Variants in GOLGB1 observed in about 807,000 individuals in gnomAD.
GOLGB1 encodes golgin B1, also known as golgin subfamily B member 1.
Under a neutral mutation model 336.9 loss-of-function variants are expected in GOLGB1, and 174 were observed. That is an observed-to-expected ratio of 0.52 (90% CI 0.46 to 0.59). The LOEUF is 0.59. Ranked by LOEUF, GOLGB1 falls within the 20% of genes least tolerant of loss-of-function variation. The probability of loss-of-function intolerance (pLI) is 0.00; values close to 1 mark genes in which losing one functional copy is unlikely to be tolerated. For synonymous variants in GOLGB1, 1,208 were observed against 1,289.2 expected (o/e 0.94, Z 1.35); for missense variants, 3,331 against 3,645.3 (o/e 0.91, Z 2.22).
chr3:121,731,037 A>G (rs1364182209), intron 1 of GOLGB1, 64 bp from the exon 2 acceptor site: 3 of 1,465,234 alleles, frequency 2.0e-6, no homozygotes, highest in Admixed American at 1.9e-5. Context: ...CTTCTCCTAT[A>G]TTGATAACCA....
rs1942812845 is a variant in GOLGB1, at chr3:121,695,076, C to T, written c.5447G>A (p.Cys1816Tyr). 3.1e-6 allele frequency: 5 copies of T among 1,613,916 alleles called. No individual in the cohort carries two copies. The Admixed American group carries it at 8.3e-5, about 27-fold the overall frequency. ...CTTCGCTGATGGAACCGATTCTGAA[C>T]ATGTAGGTCTTGTGCTCATACTCAG... is the stretch of plus-strand genomic sequence containing the variant. ...DSLSMSTRPT[C>Y]SESVPSAKSA... The change falls in exon 13 of 22, where the codon TGT becomes TAT. Residue 1816 changes from cysteine (C) to tyrosine (Y), a missense_variant. Cys to Tyr is a radical substitution (Grantham distance 194). Transcript: ENST00000614479.
At chr3:121,676,273 C>T (rs1304726365) in intron 17 of GOLGB1, among the ~76,000 whole-genome samples, 1 of 152,190 alleles carries the variant, frequency 6.6e-6, no homozygotes, top group Non-Finnish European at 1.5e-5. Flanking sequence ...GGGCCTTTTT[C>T]CTCATCTGTG....
intron 10 of GOLGB1, among the ~76,000 whole-genome samples, chr3:121,706,068 G>A (rs1386670265): frequency 6.6e-6 from 1 of 151,614 alleles, no homozygotes; most frequent in Non-Finnish European, 1.5e-5. Context: ...AACCCCGGAG[G>A]CAGAGGTTGC....
chr3:121,710,395 G>T (rs1423636423), intron 10 of GOLGB1, among the ~76,000 whole-genome samples: 1 of 152,040 alleles, frequency 6.6e-6, no homozygotes, highest in African/African-American at 2.4e-5. Context: ...GAAAACTGTA[G>T]ACTAATATCC....
At position 121,695,464 on chromosome 3, in the gene GOLGB1, C is replaced by T; in HGVS notation, c.5059G>A (p.Ala1687Thr). Reference sequence around the variant, plus strand: ...AGGATTTTCTGCTGTTTAGATTTAGCAAACTTTCTCATCTTTTCTTTCATT... The same window carrying T: ...AGGATTTTCTGCTGTTTAGATTTAGTAAACTTTCTCATCTTTTCTTTCATT... ...EEMKEKMRKF[A>T]KSKQQKILEL... The change falls in exon 13 of 22, where the codon GCT becomes ACT. Residue 1687 changes from alanine to threonine, a missense_variant. Physicochemically the swap from Ala to Thr is moderately conservative, Grantham distance 58. Transcript: ENST00000614479. 6.2e-7 allele frequency: 1 copy of T among 1,613,988 alleles called. No homozygotes were observed. Among genetic ancestry groups the T allele is most frequent in the Non-Finnish European group, 8.5e-7 (1 of 1,179,984 alleles).
chr3:121,677,572 AG>A, intron 15 of GOLGB1, 122 bp from the exon 16 acceptor site: 1 of 661,794 alleles, frequency 1.5e-6, no homozygotes, highest in Non-Finnish European at 2.6e-6. Flanking sequence ...AGGTAAAGAA[AG>A]AAAGGCTAAG....
In GOLGB1 at chr3:121,729,238, C is replaced by T; in HGVS notation, c.352G>A (p.Gly118Arg). 1 of 1,613,300 alleles carries T rather than the reference C, an allele frequency of 6.2e-7. No individual in the cohort carries two copies. Among genetic ancestry groups the T allele is most frequent in the Non-Finnish European group, 8.5e-7 (1 of 1,179,400 alleles). Residue 118 changes from glycine (G) to arginine (R), a missense_variant, in exon 4 of 22, where the codon GGA becomes AGA. Physicochemically the swap from Gly to Arg is moderately radical, Grantham distance 125. Transcript: ENST00000614479. ...GGTTCTGTAGGCAGAACAGTCCCTC[C>T]TTGTGCTTTCATTTCTTCTATGTAT... The part of the protein sequence containing the change: ...NKYIEEMKAQ[G>R]GTVLPTEPQS...
chr3:121,711,050 C>T (rs758539218), intron 10 of GOLGB1, among the ~76,000 whole-genome samples: 3 of 151,684 alleles, frequency 2.0e-5, no homozygotes, highest in Non-Finnish European at 2.9e-5. Context: ...AAAAATTAGC[C>T]GGGGGTGTTG....
At chr3:121,693,381 G>A (rs537666467) in intron 13 of GOLGB1, among the ~76,000 whole-genome samples, 6 of 152,152 alleles carry the variant, frequency 3.9e-5, no homozygotes, top group African/African-American at 7.2e-5. Context: ...CCAGCTACTC[G>A]GGAGGCTGAG....
chr3:121,717,258 G>C, intron 8 of GOLGB1, 119 bp from the exon 9 acceptor site: 1 of 759,252 alleles, frequency 1.3e-6, no homozygotes, highest in Middle Eastern at 3.9e-4. Context: ...ATGCTAGAGA[G>C]AAAGCCCTTC....
chr3:121,683,395 A>G (rs1576305861), intron 14 of GOLGB1, among the ~76,000 whole-genome samples: 1 of 152,048 alleles, frequency 6.6e-6, no homozygotes, highest in East Asian at 1.9e-4. Flanking sequence ...TCTTTCCCCT[A>G]CTGAGCTTGA....
At chr3:121,706,797 G>C (rs544467891) in intron 10 of GOLGB1, among the ~76,000 whole-genome samples, 1 of 129,218 alleles carries the variant, frequency 7.7e-6, no homozygotes, top group African/African-American at 2.9e-5. Flanking sequence ...GAAGACAGTA[G>C]AGTAATACAC....
chr3:121,695,334 T>C lies in GOLGB1; in HGVS notation c.5189A>G (p.Lys1730Arg). The stretch of plus-strand genomic sequence containing the variant: ...CATTTTGACCCTTTCAAGTTCTTCC[T>C]TCATGCTGGCATTGGAAGAAAGAAG... Reference protein sequence around the residue: ...ETLLSSNASMKEELERVKMEY... With the variant: ...ETLLSSNASMREELERVKMEY... Residue 1730 changes from lysine (K) to arginine (R), a missense_variant, in exon 13 of 22, where the codon AAG (lysine) becomes AGG (arginine). Transcript: ENST00000614479. 1.5e-5 allele frequency: 25 copies of C among 1,614,148 alleles called. No individual in the cohort carries two copies. Among genetic ancestry groups the C allele is most frequent in the Non-Finnish European group, 2.1e-5 (25 of 1,179,994 alleles).
chr3:121,667,546 G>C lies in GOLGB1; in HGVS notation c.9484C>G (p.Leu3162Val). Residue 3162 changes from leucine (L) to valine (V), a missense_variant, in exon 20 of 22, where the codon CTG becomes GTG. Physicochemically the swap from Leu to Val is conservative, Grantham distance 32. Transcript: ENST00000614479. ...RQEVNELRKLLEEERDQRVAA... is the reference protein window; with the variant it reads ...RQEVNELRKLVEEERDQRVAA... ...ACTCTTTGGTCTCGTTCTTCTTCCA[G>C]CAGCTTCCTTAATTCATTCACTTCC... The C allele has an allele frequency of 6.2e-7, 1 of 1,613,976 alleles. No homozygotes were observed. The highest frequency in any genetic ancestry group is 8.5e-7 in the Non-Finnish European group (1 of 1,179,852).
chr3:121,743,357 T>C (rs1947017918), intron 1 of GOLGB1, among the ~76,000 whole-genome samples: 1 of 152,082 alleles, frequency 6.6e-6, no homozygotes. Context: ...CGCCAAACTA[T>C]CACAAGGACA....
rs144686178 is a variant in GOLGB1, at chr3:121,692,495, T to A, written c.6869A>T (p.Glu2290Val). The change falls in exon 14 of 22, where the codon GAA becomes GTA. Residue 2290 changes from glutamate (E) to valine (V), a missense_variant. Coordinates refer to ENST00000614479, the MANE Select transcript of GOLGB1 (RefSeq NM_001366282.2). ...TAGCTGGGACAAAAGTTCTTTGTTT[T>A]CCCCCTGTAGAGTATCACAGACCTT... ...QQKVCDTLQG[E>V]NKELLSQLEE... 1 of 1,613,874 alleles carries A rather than the reference T, an allele frequency of 6.2e-7. No homozygotes were observed. Among genetic ancestry groups the A allele is most frequent in the Non-Finnish European group, 8.5e-7 (1 of 1,179,836 alleles).
intron 14 of GOLGB1, 56 bp from the exon 15 acceptor site, chr3:121,681,921 T>C: frequency 8.2e-7 from 1 of 1,226,546 alleles, no homozygotes; most frequent in Non-Finnish European, 1.2e-6. Flanking sequence ...CATCTAACTG[T>C]AAGTCATTGG....
At position 121,729,181 on chromosome 3, in the gene GOLGB1, A is replaced by C; in HGVS notation, c.402+7T>G. 1 of 1,599,244 alleles carries C rather than the reference A, an allele frequency of 6.3e-7. No homozygotes were observed. Among genetic ancestry groups the C allele is most frequent in the Non-Finnish European group, 8.5e-7 (1 of 1,173,560 alleles). On this transcript the variant is annotated splice_region_variant and intron_variant, in intron 4 of 21. Transcript: ENST00000614479. ...TAGGAAATATACACTACACCCAGTC[A>C]CCATACCTTGGAAAGTTGCTCCTCT... is the stretch of plus-strand genomic sequence containing the variant.
intron 10 of GOLGB1, among the ~76,000 whole-genome samples, chr3:121,703,613 G>T (rs889145376): frequency 5.3e-5 from 8 of 152,200 alleles, no homozygotes; most frequent in Admixed American, 2.6e-4. Flanking sequence ...ACTGAGTTTT[G>T]ATGCCTCTCT....
Sources: gnomAD v4.1 joint callset for allele counts (sites outside exome capture counted in the v4.1 genomes callset) on GRCh38, gnomAD v4.1.1 for gene constraint, MANE v1.5 for transcripts, NCBI Gene and HGNC (gene_info 2026-07-23, HGNC 2026-07-21) for gene names.